The following IL1RAPL2 variants were observed in gnomAD, a reference collection of about 807,000 sequenced individuals.
The protein encoded by IL1RAPL2 is X-linked interleukin-1 receptor accessory protein-like 2.
Under a neutral mutation model 44.1 loss-of-function variants are expected in IL1RAPL2, and 3 were observed. The observed-to-expected ratio is 0.07, with a 90% CI of 0.03 to 0.18. IL1RAPL2 has a LOEUF of 0.18. IL1RAPL2 is among the 10% of genes least tolerant of loss of function. The probability of loss-of-function intolerance (pLI) is 1.00; values close to 1 mark genes in which losing one functional copy is unlikely to be tolerated. For synonymous variants in IL1RAPL2, 181 were observed against 178.8 expected (o/e 1.01, Z -0.10); for missense variants, 391 against 496.4 (o/e 0.79, Z 2.02).
In IL1RAPL2 at chrX:104,951,456, T is replaced by C. The variant is rs758064359; in HGVS notation, c.83-244019T>C. Among the ~76,000 whole-genome samples, 12 of 112,446 alleles carry C rather than the reference T, an allele frequency of 1.1e-4. No homozygotes were observed. In the East Asian group the frequency reaches 3.4e-3, roughly 32 times the overall value. The stretch of plus-strand genomic sequence containing the variant: ...GAATGCACAACTCACTTAAAGTAAA[T>C]GTAAAATCATTCATATTCAACTTTC... On this transcript the variant is annotated intron_variant, in intron 2 of 10. Coordinates refer to ENST00000372582, the MANE Select transcript of IL1RAPL2 (RefSeq NM_017416.2).
intron 6 of IL1RAPL2, among the ~76,000 whole-genome samples, chrX:105,595,290 A>C (rs1362524254): frequency 8.9e-6 from 1 of 112,078 alleles, no homozygotes; most frequent in Non-Finnish European, 1.9e-5. Context: ...GTTTATTAAT[A>C]AAAAATATTT....
Position 105,685,160 on chromosome X carries a change from C to T in IL1RAPL2, c.773-32207C>T, listed in dbSNP as rs909213211. ...GAGCGCCTCTTCTCCTCCAAAGGATCGCAGCTCCTCACCAGCAACAGAACA... is the reference window on the plus strand; with the variant it reads ...GAGCGCCTCTTCTCCTCCAAAGGATTGCAGCTCCTCACCAGCAACAGAACA... On this transcript the variant is annotated intron_variant, in intron 6 of 10. Transcript: ENST00000372582. 1.1e-3 allele frequency among the ~76,000 whole-genome samples: 118 copies of T among 111,887 alleles called. 1 individual carries two copies. Among genetic ancestry groups the T allele is most frequent in the Admixed American group, 5.5e-3 (58 of 10,574 alleles).
intron 3 of IL1RAPL2, among the ~76,000 whole-genome samples, chrX:105,224,910 T>C (rs1457973929): frequency 8.9e-6 from 1 of 111,933 alleles, no homozygotes; most frequent in Non-Finnish European, 1.9e-5. Flanking sequence ...GTTTGTAGCA[T>C]GATGTGTCTC....
chrX:105,624,283 C>A (rs1178788341), intron 6 of IL1RAPL2, among the ~76,000 whole-genome samples: 1 of 110,945 alleles, frequency 9.0e-6, no homozygotes, highest in East Asian at 2.8e-4. Flanking sequence ...AACAATGTTG[C>A]AGAATTGTAG....
intron 1 of IL1RAPL2, among the ~76,000 whole-genome samples, chrX:104,602,790 TG>T (rs919627017): frequency 9.0e-6 from 1 of 111,362 alleles, no homozygotes; most frequent in African/African-American, 3.3e-5. Flanking sequence ...TTCTCTACTC[TG>T]GGCAGGCATC....
chrX:105,257,922 T>A (rs1014738987), intron 4 of IL1RAPL2, among the ~76,000 whole-genome samples: 1 of 111,830 alleles, frequency 8.9e-6, no homozygotes, highest in Non-Finnish European at 1.9e-5. Flanking sequence ...CATTTAGCTC[T>A]TCTACATTCA....
At chrX:104,969,090 A>C (rs773875782) in intron 2 of IL1RAPL2, among the ~76,000 whole-genome samples, 1 of 109,332 alleles carries the variant, frequency 9.1e-6, no homozygotes, top group Non-Finnish European at 1.9e-5. Flanking sequence ...TAGCCAAGAA[A>C]ATTTTTATGA....
intron 6 of IL1RAPL2, among the ~76,000 whole-genome samples, chrX:105,680,782 C>A (rs2037918170): frequency 9.0e-6 from 1 of 111,587 alleles, no homozygotes; most frequent in South Asian, 3.8e-4. Flanking sequence ...GATACCTTTC[C>A]TCACCAATCA....
At position 105,599,618 on chromosome X, in the gene IL1RAPL2, A is replaced by T. The variant is rs188620090; in HGVS notation, c.772+115231A>T. 5.3e-3 allele frequency among the ~76,000 whole-genome samples: 590 copies of T among 110,531 alleles called. 1 individual carries two copies. Among genetic ancestry groups the T allele is most frequent in the South Asian group, 0.036 (94 of 2,603 alleles). Reference sequence around the variant, plus strand: ...TAATATTATATTTCAATCTTTTTTTAAAAAAAAATCAAATTTAATGCAGAA... The same window carrying T: ...TAATATTATATTTCAATCTTTTTTTTAAAAAAAATCAAATTTAATGCAGAA... On this transcript the variant is annotated intron_variant, in intron 6 of 10. Coordinates refer to ENST00000372582, the MANE Select transcript of IL1RAPL2 (RefSeq NM_017416.2).
chrX:104,645,391 C>T (rs1020677828), intron 1 of IL1RAPL2, among the ~76,000 whole-genome samples: 1 of 111,763 alleles, frequency 8.9e-6, no homozygotes, highest in Non-Finnish European at 1.9e-5. Context: ...GTCTCTATTC[C>T]TCCTATCTAT....
At chrX:104,931,576 G>A (rs778561746) in intron 2 of IL1RAPL2, among the ~76,000 whole-genome samples, 2 of 111,355 alleles carry the variant, frequency 1.8e-5, no homozygotes, top group East Asian at 5.6e-4. Flanking sequence ...CTGGGTAGTA[G>A]CGAAAGCTGT....
At chrX:104,666,195 T>G (rs1008811099) in intron 2 of IL1RAPL2, among the ~76,000 whole-genome samples, 2 of 110,993 alleles carry the variant, frequency 1.8e-5, no homozygotes, top group Non-Finnish European at 3.8e-5. Context: ...TTCCATTAAG[T>G]TTGGCAACAA....
intron 6 of IL1RAPL2, among the ~76,000 whole-genome samples, chrX:105,637,223 C>T (rs2037530600): frequency 8.9e-6 from 1 of 111,824 alleles, no homozygotes; most frequent in Admixed American, 9.5e-5. Context: ...TCTGCATATA[C>T]ACCACTCATA....
At chrX:104,706,535 A>G (rs1478155474) in intron 2 of IL1RAPL2, among the ~76,000 whole-genome samples, 1 of 111,910 alleles carries the variant, frequency 8.9e-6, no homozygotes, top group Non-Finnish European at 1.9e-5. Flanking sequence ...ATGCTTCCCA[A>G]GTGCTTGAAA....
chrX:105,508,295 C>T (rs2036445179), intron 6 of IL1RAPL2, among the ~76,000 whole-genome samples: 1 of 111,142 alleles, frequency 9.0e-6, no homozygotes, highest in Non-Finnish European at 1.9e-5. Context: ...AAACCTCACT[C>T]TTCAATATTG....
intron 1 of IL1RAPL2, among the ~76,000 whole-genome samples, chrX:104,567,783 G>T (rs1236632288): frequency 8.9e-6 from 1 of 112,272 alleles, no homozygotes; most frequent in African/African-American, 3.2e-5. Flanking sequence ...CTCGCGAGTG[G>T]CTCGCCTTGC....
At chrX:104,973,215 A>T (rs964244685) in intron 2 of IL1RAPL2, among the ~76,000 whole-genome samples, 1 of 111,997 alleles carries the variant, frequency 8.9e-6, no homozygotes, top group African/African-American at 3.2e-5. Flanking sequence ...GATACCTGTC[A>T]TGGCCTGAGT....
At chrX:105,524,626 G>A (rs376570953) in intron 6 of IL1RAPL2, among the ~76,000 whole-genome samples, 3 of 109,753 alleles carry the variant, frequency 2.7e-5, no homozygotes, top group East Asian at 5.7e-4. Context: ...GTTTTTTTGA[G>A]GATGTTGTTC....
chrX:104,660,053 A>G (rs1930359598), intron 2 of IL1RAPL2, among the ~76,000 whole-genome samples: 1 of 111,955 alleles, frequency 8.9e-6, no homozygotes, highest in Admixed American at 9.5e-5. Context: ...CTGAAGTCCA[A>G]AGGATCCTGG....
Sources: gnomAD v4.1 joint callset for allele counts (sites outside exome capture counted in the v4.1 genomes callset) on GRCh38, gnomAD v4.1.1 for gene constraint, MANE v1.5 for transcripts, NCBI Gene and HGNC (gene_info 2026-07-23, HGNC 2026-07-21) for gene names.